PDE10A: variants seen among roughly 807,000 people sequenced by gnomAD.
PDE10A encodes phosphodiesterase 10A, also known as cAMP and cAMP-inhibited cGMP 3',5'-cyclic phosphodiesterase 10A.
A neutral mutation model predicts 97.7 loss-of-function variants in PDE10A; 39 were observed. The ratio of observed to expected loss-of-function variants is 0.40; its 90% CI spans 0.31 to 0.52. PDE10A has a LOEUF of 0.52. PDE10A is among the 20% of genes least tolerant of loss of function. The pLI is 0.56. For synonymous variants in PDE10A, 371 were observed against 376.8 expected (o/e 0.98, Z 0.18); for missense variants, 731 against 1,047.8 (o/e 0.70, Z 4.17).
intron 1 of PDE10A, among the ~76,000 whole-genome samples, chr6:165,551,242 G>A (rs1783999736): frequency 6.6e-6 from 1 of 152,130 alleles, no homozygotes; most frequent in Non-Finnish European, 1.5e-5. Context: ...TTAAAATCAG[G>A]TAAGTTTGCT....
chr6:165,381,810 C>T (rs749672193), intron 17 of PDE10A, among the ~76,000 whole-genome samples: 26 of 151,832 alleles, frequency 1.7e-4, no homozygotes, highest in Non-Finnish European at 3.2e-4. Flanking sequence ...GAGAATCTAG[C>T]ATTTTGCTGC....
chr6:165,354,181 A>G (rs1782876979), intron 18 of PDE10A, among the ~76,000 whole-genome samples: 1 of 152,222 alleles, frequency 6.6e-6, no homozygotes, highest in Non-Finnish European at 1.5e-5. Flanking sequence ...TGCCACATTG[A>G]TAAGGAAAGG....
Position 165,875,747 on chromosome 6 carries a change from TG to T in PDE10A, c.-615+111781del, listed in dbSNP as rs1393918560. On this transcript the variant is annotated intron_variant, in intron 1 of 19. Coordinates refer to the PDE10A transcript ENST00000366882. ...TCTTTTACTGTTTTTTTTTTTTTTT[TG>T]TGTGTGTGTGTGTGTTTGTTTTAAC... 1.8e-3 allele frequency among the ~76,000 whole-genome samples: 241 copies of T among 133,170 alleles called. 2 individuals are homozygous for T. The highest frequency in any genetic ancestry group is 6.0e-3 in the African/African-American group (198 of 32,934). 87.4% of individuals were successfully genotyped at this position (133,170 alleles called of 152,430 possible).
chr6:165,404,897 T>G (rs1786998543), intron 13 of PDE10A, among the ~76,000 whole-genome samples: 1 of 152,138 alleles, frequency 6.6e-6, no homozygotes, highest in African/African-American at 2.4e-5. Context: ...TTCTTTCTGT[T>G]TCTTTCTCAG....
intron 1 of PDE10A, among the ~76,000 whole-genome samples, chr6:165,691,789 G>A (rs1317711566): frequency 6.6e-6 from 1 of 152,210 alleles, no homozygotes; most frequent in Admixed American, 6.5e-5. Flanking sequence ...ACTCAGCCCT[G>A]AGGCAGCCTG....
intron 1 of PDE10A, among the ~76,000 whole-genome samples, chr6:165,879,973 A>C (rs1781434296): frequency 6.6e-6 from 1 of 152,190 alleles, no homozygotes; most frequent in South Asian, 2.1e-4. Flanking sequence ...TATCCTAACA[A>C]ACTTGTCTCC....
intron 18 of PDE10A, among the ~76,000 whole-genome samples, chr6:165,360,497 C>G (rs1449381702): frequency 6.6e-6 from 1 of 152,174 alleles, no homozygotes; most frequent in Non-Finnish European, 1.5e-5. Context: ...CACCTACCAT[C>G]CAATGTCAGT....
chr6:165,629,165 G>A (rs1353728169), intron 1 of PDE10A, among the ~76,000 whole-genome samples: 5 of 152,256 alleles, frequency 3.3e-5, no homozygotes, highest in African/African-American at 7.2e-5. Context: ...TAGCTGTGCC[G>A]TGTGTGAGGA....
intron 2 of PDE10A, 94 bp from the exon 3 acceptor site, chr6:165,482,437 G>C (rs1048118948): frequency 1.0e-6 from 1 of 966,232 alleles, no homozygotes; most frequent in African/African-American, 1.6e-5. Context: ...AAACTTGAAG[G>C]GTTTTTTTGC....
At chr6:165,562,227 G>T (rs1271124483) in intron 1 of PDE10A, among the ~76,000 whole-genome samples, 4 of 152,030 alleles carry the variant, frequency 2.6e-5, no homozygotes, top group African/African-American at 9.7e-5. Flanking sequence ...CAGTTCAAAA[G>T]ATATAAACCA....
intron 13 of PDE10A, among the ~76,000 whole-genome samples, chr6:165,397,071 T>C (rs1204829082): frequency 1.3e-5 from 2 of 152,194 alleles, no homozygotes; most frequent in Non-Finnish European, 2.9e-5. Context: ...ACAGAGTAAG[T>C]ATATAAATTG....
At chr6:165,535,686 A>T (rs1433472307) in intron 2 of PDE10A, among the ~76,000 whole-genome samples, 1 of 151,734 alleles carries the variant, frequency 6.6e-6, no homozygotes, top group Non-Finnish European at 1.5e-5. Flanking sequence ...TATTTTTGCT[A>T]TTGTGAATAG....
chr6:165,952,721 C>G (rs1784005508), intron 1 of PDE10A, among the ~76,000 whole-genome samples: 1 of 152,342 alleles, frequency 6.6e-6, no homozygotes, highest in East Asian at 1.9e-4. Flanking sequence ...AGCCTGGCCT[C>G]AGGGCCCAGA....
chr6:165,470,651 T>C (rs1778938755), intron 3 of PDE10A, among the ~76,000 whole-genome samples: 1 of 152,182 alleles, frequency 6.6e-6, no homozygotes, highest in Non-Finnish European at 1.5e-5. Context: ...TTTCTGGTAA[T>C]CAATTAGAAA....
intron 1 of PDE10A, among the ~76,000 whole-genome samples, chr6:165,573,355 A>G (rs934276875): frequency 6.6e-6 from 1 of 150,958 alleles, no homozygotes; most frequent in Non-Finnish European, 1.5e-5. Flanking sequence ...GAACAGTTCC[A>G]TCTCATGAAT....
intron 1 of PDE10A, among the ~76,000 whole-genome samples, chr6:165,672,564 G>A (rs1358405792): frequency 6.6e-6 from 1 of 152,174 alleles, no homozygotes; most frequent in Non-Finnish European, 1.5e-5. Context: ...CTCATGTTGT[G>A]GGAGCCACCC....
intron 1 of PDE10A, among the ~76,000 whole-genome samples, chr6:165,656,715 T>C (rs1043435070): frequency 1.3e-5 from 2 of 152,198 alleles, no homozygotes; most frequent in Non-Finnish European, 2.9e-5. Flanking sequence ...CAGAAGGTCC[T>C]TCCCAGGCTT....
At chr6:165,922,992 T>G (rs546242122) in intron 1 of PDE10A, among the ~76,000 whole-genome samples, 45 of 152,236 alleles carry the variant, frequency 3.0e-4, no homozygotes, top group African/African-American at 1.0e-3. Flanking sequence ...TTAAAGTAGG[T>G]CAAAGTAGAC....
intron 2 of PDE10A, among the ~76,000 whole-genome samples, chr6:165,521,973 G>A (rs1487863562): frequency 6.6e-6 from 1 of 152,148 alleles, no homozygotes; most frequent in African/African-American, 2.4e-5. Context: ...ATTTCCTCAA[G>A]GTTCAACCAC....
Sources: allele counts gnomAD v4.1 joint callset (sites outside exome capture counted in the v4.1 genomes callset), GRCh38; gene constraint gnomAD v4.1.1; transcripts MANE v1.5; gene names NCBI Gene and HGNC (gene_info 2026-07-23, HGNC 2026-07-21).